Variants in GABPB1 observed in about 807,000 individuals in gnomAD.
The protein encoded by GABPB1 is GA-binding protein subunit beta-1.
In GABPB1, 15 loss-of-function variants were observed where a neutral mutation model predicts 45.9. The ratio of observed to expected loss-of-function variants is 0.33; its 90% CI spans 0.22 to 0.50. The LOEUF is 0.50. Among genes scored for constraint, GABPB1 ranks in the 20% least tolerant of loss-of-function variants. The probability of loss-of-function intolerance (pLI) is 0.98; values close to 1 mark genes in which losing one functional copy is unlikely to be tolerated. For missense variants in GABPB1, 252 were observed against 457.5 expected (o/e 0.55, Z 4.10); for synonymous variants, 143 against 154.4 (o/e 0.93, Z 0.55).
In GABPB1 at chr15:50,289,508, A is replaced by G; in HGVS notation, c.858T>C (p.Ile286=). ...IPTSGIGQPI[I]VTMPDGQQVL... ...CTTGTTGTCCATCTGGCATGGTCAC[A>G]ATGATGGGCTGACCAATTCCACTGG... Residue 286 remains isoleucine (I), a synonymous_variant, in exon 7 of 9, where the codon ATT becomes ATC. Coordinates refer to ENST00000380877, the MANE Select transcript of GABPB1 (RefSeq NM_016654.5). 6.2e-7 allele frequency: 1 copy of G among 1,612,204 alleles called. No homozygotes were observed.
chr15:50,319,426 C>T (rs1160648234), intron 1 of GABPB1, among the ~76,000 whole-genome samples: 1 of 152,150 alleles, frequency 6.6e-6, no homozygotes, highest in Non-Finnish European at 1.5e-5. Context: ...AACCCTTGCC[C>T]CTCTGCCACC....
chr15:50,352,265 A>G (rs529229563), intron 1 of GABPB1: 3 of 152,162 alleles, frequency 2.0e-5, no homozygotes, highest in African/African-American at 7.2e-5. Context: ...AAAAAAATTC[A>G]TGGTACAGGA....
At chr15:50,312,237 A>T (rs2047156204) in intron 1 of GABPB1, among the ~76,000 whole-genome samples, 1 of 152,062 alleles carries the variant, frequency 6.6e-6, no homozygotes, top group Admixed American at 6.6e-5. Flanking sequence ...AAAAAAAAAT[A>T]ATCTATATTA....
At chr15:50,333,042 T>C (rs963393469) in intron 1 of GABPB1, among the ~76,000 whole-genome samples, 1 of 152,170 alleles carries the variant, frequency 6.6e-6, no homozygotes, top group African/African-American at 2.4e-5. Flanking sequence ...ATTAAGTTTA[T>C]TGGCTTAATA....
Position 50,353,003 on chromosome 15 carries a change from GAATT to G in GABPB1, c.-1+1978_-1+1981del, listed in dbSNP as rs577676040. The G allele has an allele frequency of 4.6e-3, 699 of 152,274 alleles. 4 individuals are homozygous for G. Among genetic ancestry groups the G allele is most frequent in the African/African-American group, 0.015 (604 of 41,556 alleles). 9.4% of individuals were successfully genotyped at this position (152,274 alleles called of 1,614,324 possible). On this transcript the variant is annotated intron_variant, in intron 1 of 8. Coordinates refer to ENST00000380877, the MANE Select transcript of GABPB1 (RefSeq NM_016654.5). ...TCGTTTCACCAAAGGATTCACTGCA[GAATT>G]AATTTTCTGTAAAATCTGTACCTCC...
chr15:50,341,611 G>A (rs1362959988), intron 1 of GABPB1, among the ~76,000 whole-genome samples: 1 of 152,124 alleles, frequency 6.6e-6, no homozygotes, highest in East Asian at 1.9e-4. Flanking sequence ...GCATGAGCCT[G>A]AAATATGAAT....
At chr15:50,281,401 C>G (rs7179935) in intron 8 of GABPB1, among the ~76,000 whole-genome samples, 41,763 of 151,954 alleles carry the variant, frequency 0.27, 7,047 homozygotes, top group Middle Eastern at 0.38. Flanking sequence ...TTAGTAGAGA[C>G]GGGGTTTCAC....
intron 1 of GABPB1, among the ~76,000 whole-genome samples, chr15:50,333,740 G>A (rs921602066): frequency 6.6e-6 from 1 of 152,132 alleles, no homozygotes; most frequent in African/African-American, 2.4e-5. Flanking sequence ...CTGCTGAAAA[G>A]TCATCTAGCC....
intron 1 of GABPB1, chr15:50,349,077 C>A (rs181776513): frequency 2.6e-5 from 4 of 151,916 alleles, no homozygotes; most frequent in East Asian, 1.9e-4. Flanking sequence ...TCCAAAAATC[C>A]AAAAAACTTC....
In GABPB1 at chr15:50,302,617, C is replaced by G. The variant is rs28434538; in HGVS notation, c.471+312G>C. ...CAAGATCGTGCCACTACACTCCAGC[C>G]TGGGGGACAGATCAAGACTCTGGCT... On this transcript the variant is annotated intron_variant, in intron 4 of 8. Coordinates refer to ENST00000380877, the MANE Select transcript of GABPB1 (RefSeq NM_016654.5). 2.6e-3 allele frequency among the ~76,000 whole-genome samples: 316 copies of G among 121,460 alleles called. 1 individual carries two copies. Among genetic ancestry groups the G allele is most frequent in the African/African-American group, 9.4e-3 (300 of 32,046 alleles). 79.7% of individuals were successfully genotyped at this position (121,460 alleles called of 152,430 possible). A position where few individuals can be genotyped will look rare whatever the true frequency, so the allele number is the denominator to read the frequency against.
chr15:50,309,454 T>A (rs1595777342), intron 2 of GABPB1, among the ~76,000 whole-genome samples: 1 of 152,186 alleles, frequency 6.6e-6, no homozygotes, highest in East Asian at 1.9e-4. Context: ...ATTAATGCAC[T>A]CCACAGTTTG....
chr15:50,346,876 C>G (rs1001016555), intron 1 of GABPB1, among the ~76,000 whole-genome samples: 2 of 151,106 alleles, frequency 1.3e-5, no homozygotes, highest in Non-Finnish European at 2.9e-5. Context: ...CAACCTCCGC[C>G]CCCCCCAGGT....
At chr15:50,291,751 C>T (rs913331108) in intron 6 of GABPB1, among the ~76,000 whole-genome samples, 2 of 151,780 alleles carry the variant, frequency 1.3e-5, no homozygotes, top group African/African-American at 4.8e-5. Context: ...GAAAAACTGT[C>T]TACAAAAAAT....
intron 1 of GABPB1, chr15:50,350,694 G>A (rs541386279): frequency 2.0e-5 from 3 of 152,098 alleles, no homozygotes; most frequent in South Asian, 2.1e-4. Flanking sequence ...CCTTCAGTAC[G>A]ATTCCTCTAC....
intron 1 of GABPB1, chr15:50,346,234 AAGAGTT>A (rs1368062542): frequency 4.6e-5 from 7 of 152,208 alleles, no homozygotes; most frequent in Admixed American, 4.6e-4. Context: ...GGCATCTATT[AAGAGTT>A]AAAGAGGAAG....
At chr15:50,297,619 CA>C (rs2046568411) in intron 6 of GABPB1, among the ~76,000 whole-genome samples, 1 of 152,168 alleles carries the variant, frequency 6.6e-6, no homozygotes, top group African/African-American at 2.4e-5. Context: ...CCGAGATGGA[CA>C]GATCAGAAGT....
chr15:50,307,407 T>A (rs2046985387), intron 2 of GABPB1, among the ~76,000 whole-genome samples: 1 of 152,182 alleles, frequency 6.6e-6, no homozygotes, highest in Non-Finnish European at 1.5e-5. Flanking sequence ...TGCTAACCCA[T>A]GGGAATTCCT....
chr15:50,333,316 G>T (rs1023701325), intron 1 of GABPB1, among the ~76,000 whole-genome samples: 2 of 152,148 alleles, frequency 1.3e-5, no homozygotes, highest in Admixed American at 6.6e-5. Flanking sequence ...TTAAAAATTA[G>T]ACAGGTCGAG....
rs182557423 is a variant in GABPB1 at position 50,335,670 on chromosome 15, G to A, written c.-1+19315C>T. Among the ~76,000 whole-genome samples, 215 of 150,634 alleles carry A rather than the reference G, an allele frequency of 1.4e-3. 3 individuals are homozygous for A. The highest frequency in any genetic ancestry group is 5.0e-3 in the African/African-American group (206 of 40,992). On this transcript the variant is annotated intron_variant, in intron 1 of 8. Transcript: ENST00000380877. ...TCCCAGCACTTTGGGAGGCCAAGGC[G>A]GGTGGATCATGAGGTCAGGAGTTCA...
Sources: gnomAD v4.1 joint callset for allele counts (sites outside exome capture counted in the v4.1 genomes callset) on GRCh38, gnomAD v4.1.1 for gene constraint, MANE v1.5 for transcripts, NCBI Gene and HGNC (gene_info 2026-07-23, HGNC 2026-07-21) for gene names.